Variants in STK32C observed in about 807,000 individuals in gnomAD.
STK32C encodes the protein serine/threonine kinase 32C, also known as serine/threonine-protein kinase 32C.
STK32C carries 31 observed loss-of-function variants against 56.5 expected under a neutral mutation model. The observed-to-expected ratio is 0.55, with a 90% CI of 0.41 to 0.74. The LOEUF is 0.74. STK32C is among the 30% of genes least tolerant of loss of function. The pLI, the probability that STK32C is intolerant of heterozygous loss-of-function variation, is 0.00. For synonymous variants in STK32C, 309 were observed against 289.4 expected, an observed-to-expected ratio of 1.07 and a Z score of -0.69; for missense variants, 544 against 676.9, an observed-to-expected ratio of 0.80 and a Z score of 2.18.
At chr10:132,263,808 G>A (rs912571679) in intron 1 of STK32C, among the ~76,000 whole-genome samples, 1 of 150,032 alleles carries the variant, frequency 6.7e-6, no homozygotes, top group Non-Finnish European at 1.5e-5. Flanking sequence ...AGAGGCTGCC[G>A]TGAGCTGAGA....
intron 11 of STK32C, among the ~76,000 whole-genome samples, chr10:132,208,443 G>A (rs1377740036): frequency 1.3e-5 from 2 of 152,182 alleles, no homozygotes; most frequent in African/African-American, 2.4e-5. Context: ...GCTCGGCTAA[G>A]CCTCATTCTT....
chr10:132,296,689 C>A (rs1203947778), intron 1 of STK32C, among the ~76,000 whole-genome samples: 4 of 152,202 alleles, frequency 2.6e-5, no homozygotes, highest in South Asian at 4.1e-4. Flanking sequence ...AGAAAGAGAT[C>A]GTCCTGGCAC....
intron 1 of STK32C, among the ~76,000 whole-genome samples, chr10:132,313,196 A>G (rs1029964094): frequency 1.3e-5 from 2 of 152,200 alleles, no homozygotes; most frequent in Non-Finnish European, 2.9e-5. Context: ...GACAAACGGA[A>G]TGGCTCTTTG....
chr10:132,273,893 G>A (rs565748855), intron 1 of STK32C, among the ~76,000 whole-genome samples: 1 of 152,272 alleles, frequency 6.6e-6, no homozygotes, highest in Admixed American at 6.5e-5. Flanking sequence ...AAGATCATAA[G>A]AGCCCACTAT....
At chr10:132,280,432 C>T (rs2065144070) in intron 1 of STK32C, among the ~76,000 whole-genome samples, 1 of 147,560 alleles carries the variant, frequency 6.8e-6, no homozygotes, top group Non-Finnish European at 1.5e-5. Context: ...CACCACTGCA[C>T]TCCGTGATCA....
intron 1 of STK32C, among the ~76,000 whole-genome samples, chr10:132,272,300 C>G (rs1159378280): frequency 1.3e-5 from 2 of 152,232 alleles, no homozygotes; most frequent in African/African-American, 4.8e-5. Context: ...AGGAGCCAGG[C>G]CTCAGAGGCA....
chr10:132,214,337 T>C (rs1347810088), intron 10 of STK32C, among the ~76,000 whole-genome samples: 1 of 152,152 alleles, frequency 6.6e-6, no homozygotes, highest in Non-Finnish European at 1.5e-5. Context: ...AGAAATCACA[T>C]AAGCAAGAAG....
At chr10:132,230,583 A>G (rs1010722635) in intron 2 of STK32C, among the ~76,000 whole-genome samples, 2 of 149,044 alleles carry the variant, frequency 1.3e-5, no homozygotes, top group Admixed American at 6.8e-5. Context: ...TGAGACAAAT[A>G]TGGTGGAAAA....
chr10:132,262,993 T>C (rs1025729757), intron 1 of STK32C, among the ~76,000 whole-genome samples: 1 of 152,230 alleles, frequency 6.6e-6, no homozygotes, highest in Non-Finnish European at 1.5e-5. Flanking sequence ...TATACACTAT[T>C]AGTGGGAATC....
intron 3 of STK32C, 119 bp downstream of exon 3, chr10:132,227,858 T>C (rs2062948620): frequency 1.6e-6 from 2 of 1,273,158 alleles, no homozygotes; most frequent in Admixed American, 2.0e-5. Flanking sequence ...GGCCTGTGGG[T>C]GGCAGAGGCA....
At chr10:132,246,885 T>G (rs528933339) in intron 1 of STK32C, among the ~76,000 whole-genome samples, 1 of 152,122 alleles carries the variant, frequency 6.6e-6, no homozygotes. Flanking sequence ...TCTGCACCCC[T>G]AAGTCCGTGT....
At chr10:132,295,119 C>A (rs185641871) in intron 1 of STK32C, among the ~76,000 whole-genome samples, 1 of 152,158 alleles carries the variant, frequency 6.6e-6, no homozygotes, top group Non-Finnish European at 1.5e-5. Flanking sequence ...ACGGAAAACA[C>A]GTTAAGCTGA....
intron 2 of STK32C, among the ~76,000 whole-genome samples, chr10:132,239,488 G>A (rs1046697390): frequency 1.3e-5 from 2 of 152,226 alleles, no homozygotes; most frequent in African/African-American, 2.4e-5. Context: ...CAGGGGCACC[G>A]CACACTCCCT....
intron 10 of STK32C, among the ~76,000 whole-genome samples, chr10:132,218,494 C>CT (rs1304892944): frequency 6.6e-6 from 1 of 152,118 alleles, no homozygotes; most frequent in African/African-American, 2.4e-5. Context: ...CATAACCACA[C>CT]AATCACTGCA....
chr10:132,280,651 A>ATGATCACCACACTCCACTCCG (rs758830293), intron 1 of STK32C, among the ~76,000 whole-genome samples: 32,845 of 117,320 alleles, frequency 0.28, 4,823 homozygotes, highest in Non-Finnish European at 0.35. Flanking sequence ...ACTCCACTCC[A>ATGATCACCACACTCCACTCCG]TGATCACCAC....
chr10:132,277,570 G>T (rs2065028914), intron 1 of STK32C, among the ~76,000 whole-genome samples: 1 of 152,202 alleles, frequency 6.6e-6, no homozygotes, highest in Admixed American at 6.5e-5. Flanking sequence ...GCCTGCCCGT[G>T]GCCCTGCAGG....
chr10:132,267,611 ATGTTCAGCTCTATGCCTGTCTG>A (rs1454924890), intron 1 of STK32C, among the ~76,000 whole-genome samples: 1 of 144,080 alleles, frequency 6.9e-6, no homozygotes, highest in Non-Finnish European at 1.5e-5. Context: ...ATGTGTATGC[ATGTTCAGCTCTATGCCTGTCTG>A]TGTGCATGCA....
chr10:132,265,589 G>C (rs573894286), intron 1 of STK32C, among the ~76,000 whole-genome samples: 2 of 152,194 alleles, frequency 1.3e-5, no homozygotes, highest in Admixed American at 6.5e-5. Context: ...TCGCTTTCAT[G>C]GCTCGGGACA....
chr10:132,308,405 C>G (rs544928444), upstream of STK32C, among the ~76,000 whole-genome samples: 1 of 152,172 alleles, frequency 6.6e-6, no homozygotes. Flanking sequence ...ACAGCCGGCG[C>G]GCGGGCTTCC....
Sources: allele counts gnomAD v4.1 joint callset (sites outside exome capture counted in the v4.1 genomes callset), GRCh38; gene constraint gnomAD v4.1.1; transcripts MANE v1.5; gene names NCBI Gene and HGNC (gene_info 2026-07-23, HGNC 2026-07-21).